ATP8B4: variants seen among roughly 807,000 people sequenced by gnomAD.
ATP8B4 encodes the protein probable phospholipid-transporting ATPase IM.
ATP8B4 carries 133 observed loss-of-function variants against 145.6 expected under a neutral mutation model. The ratio of observed to expected loss-of-function variants is 0.91; its 90% CI spans 0.79 to 1.05. The LOEUF is 1.05. Among genes scored for constraint, ATP8B4 ranks in the 50% least tolerant of loss-of-function variants. The probability of loss-of-function intolerance (pLI) is 0.00; values close to 1 mark genes in which losing one functional copy is unlikely to be tolerated. For missense variants in ATP8B4, 1,458 were observed against 1,425.2 expected (o/e 1.02, Z -0.37); for synonymous variants, 507 against 492.9 (o/e 1.03, Z -0.38).
At position 49,876,419 on chromosome 15, in the gene ATP8B4, T is replaced by A. The variant is rs2034429622; in HGVS notation, c.2886A>T (p.Gly962=). 3 of 1,612,142 alleles carry A rather than the reference T, an allele frequency of 1.9e-6. No individual in the cohort carries two copies. The African/African-American group carries it at 4.0e-5, about 22-fold the overall frequency. ...AGAAAAGGACTAATGAGGTGTAGAT[T>A]CCATGCAACACGCAAATGAAAAATT... ...KRKFFICVLH[G]IYTSLVLFFI... is the part of the protein sequence containing the mutation. Residue 962 remains glycine (G), a synonymous_variant, in exon 25 of 28, where the codon GGA becomes GGT. Coordinates refer to ENST00000284509, the MANE Select transcript of ATP8B4 (RefSeq NM_024837.4).
intron 27 of ATP8B4, among the ~76,000 whole-genome samples, chr15:49,861,422 G>T (rs62020392): frequency 1.3e-5 from 2 of 148,374 alleles, no homozygotes; most frequent in African/African-American, 5.0e-5. Context: ...GTGTGTGTGT[G>T]TGTCTGTCTG....
chr15:49,923,555 T>A, intron 16 of ATP8B4, 61 bp from the exon 17 acceptor site: 1 of 1,198,540 alleles, frequency 8.3e-7, no homozygotes. Flanking sequence ...AAAATTAGAT[T>A]CTCCCAGAGC....
chr15:49,913,748 TGAGA>T (rs967546018), intron 20 of ATP8B4, among the ~76,000 whole-genome samples: 1 of 152,022 alleles, frequency 6.6e-6, no homozygotes, highest in African/African-American at 2.4e-5. Context: ...AGAAAGTACC[TGAGA>T]AAGAAAGCAA....
At chr15:50,128,436 T>C (rs1277675896) in intron 1 of ATP8B4, among the ~76,000 whole-genome samples, 1 of 152,218 alleles carries the variant, frequency 6.6e-6, no homozygotes, top group Non-Finnish European at 1.5e-5. Context: ...TGTTCCTGCC[T>C]CCTTGTGGCT....
rs531170122 is a variant in ATP8B4, at chr15:49,939,167, T to C, written c.1288-4985A>G. Among the ~76,000 whole-genome samples, 3 of 151,366 alleles carry C rather than the reference T, an allele frequency of 2.0e-5. No individual in the cohort carries two copies. In the South Asian group the frequency reaches 6.2e-4, roughly 31 times the overall value. ...AAAAAGTTAGAAAGATCTCAATTAA[T>C]GACTTAACGCATACCTACAAAAAAA... On this transcript the variant is annotated intron_variant, in intron 14 of 27. Coordinates refer to ENST00000284509, the MANE Select transcript of ATP8B4 (RefSeq NM_024837.4).
At chr15:50,175,795 C>T (rs1046582950) in intron 1 of ATP8B4, among the ~76,000 whole-genome samples, 3 of 152,070 alleles carry the variant, frequency 2.0e-5, no homozygotes, top group Admixed American at 2.0e-4. Context: ...TGTGGCGATC[C>T]CTTAAAGAAC....
intron 2 of ATP8B4, 40 bp from the exon 3 acceptor site, chr15:50,074,225 C>T: frequency 6.5e-7 from 1 of 1,535,946 alleles, no homozygotes; most frequent in Non-Finnish European, 9.0e-7. Flanking sequence ...AAATTGTAGG[C>T]CCAGAGAAAC....
intron 1 of ATP8B4, among the ~76,000 whole-genome samples, chr15:50,150,447 A>C (rs2153680751): frequency 6.6e-6 from 1 of 152,346 alleles, no homozygotes; most frequent in East Asian, 1.9e-4. Flanking sequence ...CTCCAAAAGC[A>C]TCACTGATCA....
chr15:49,892,123 A>C (rs2036891702), intron 23 of ATP8B4, among the ~76,000 whole-genome samples: 1 of 152,050 alleles, frequency 6.6e-6, no homozygotes, highest in Non-Finnish European at 1.5e-5. Flanking sequence ...AAAAAAAAAA[A>C]AAAAAAATCT....
intron 1 of ATP8B4, among the ~76,000 whole-genome samples, chr15:50,149,857 T>G (rs2044324677): frequency 6.6e-6 from 1 of 152,132 alleles, no homozygotes. Context: ...TCCCAGAACT[T>G]TCAGAGGCCA....
In ATP8B4 at chr15:50,151,741, A is replaced by C. The variant is rs548878112; in HGVS notation, c.-43+30520T>G. Among the ~76,000 whole-genome samples, 3 of 7,928 alleles carry C rather than the reference A, an allele frequency of 3.8e-4. No individual in the cohort carries two copies. The East Asian group carries it at 0.015, about 40-fold the overall frequency. 5.2% of individuals were successfully genotyped at this position (7,928 alleles called of 152,430 possible). On this transcript the variant is annotated intron_variant, in intron 1 of 3. Transcript: ENST00000558829. ...AAGAGACAGAGTGAGAACCTGTCTC[A>C]AAAAAAAAAAAAAAAAAAAAAAGAG...
At chr15:50,156,312 T>C (rs2044419035) in intron 1 of ATP8B4, among the ~76,000 whole-genome samples, 1 of 151,772 alleles carries the variant, frequency 6.6e-6, no homozygotes, top group South Asian at 2.1e-4. Flanking sequence ...GCCTAACTTT[T>C]ATACACATTT....
At chr15:50,082,596 T>G (rs2054624091) in intron 2 of ATP8B4, among the ~76,000 whole-genome samples, 1 of 152,228 alleles carries the variant, frequency 6.6e-6, no homozygotes, top group East Asian at 1.9e-4. Flanking sequence ...TTTTTACCAA[T>G]TCATTATTCA....
At chr15:49,946,151 C>CA (rs1490890529) in intron 14 of ATP8B4, among the ~76,000 whole-genome samples, 3 of 151,952 alleles carry the variant, frequency 2.0e-5, no homozygotes. Flanking sequence ...AGTTACAAGA[C>CA]AAAAAATTTT....
At chr15:49,992,363 C>G (rs1291233998) in intron 9 of ATP8B4, among the ~76,000 whole-genome samples, 1 of 152,168 alleles carries the variant, frequency 6.6e-6, no homozygotes, top group Non-Finnish European at 1.5e-5. Context: ...AGGCCTGAGC[C>G]TGACTTATTA....
At chr15:50,164,499 G>T (rs1208441112) in intron 1 of ATP8B4, among the ~76,000 whole-genome samples, 1 of 152,192 alleles carries the variant, frequency 6.6e-6, no homozygotes, top group Non-Finnish European at 1.5e-5. Flanking sequence ...GAGCTGGTAA[G>T]ATGAAGTCTT....
At chr15:50,149,374 T>A (rs1026898318) in intron 1 of ATP8B4, among the ~76,000 whole-genome samples, 1 of 152,170 alleles carries the variant, frequency 6.6e-6, no homozygotes, top group Non-Finnish European at 1.5e-5. Flanking sequence ...TGACCTCTCT[T>A]CCTCTTCAAA....
At chr15:50,039,844 GTAC>G (rs2051135573) in intron 5 of ATP8B4, among the ~76,000 whole-genome samples, 1 of 152,054 alleles carries the variant, frequency 6.6e-6, no homozygotes, top group African/African-American at 2.4e-5. Context: ...GCTATGCCCA[GTAC>G]ATACAATTAC....
At chr15:49,888,282 A>ATCCATGAAGTCAT (rs2036431263) in intron 23 of ATP8B4, among the ~76,000 whole-genome samples, 1 of 152,164 alleles carries the variant, frequency 6.6e-6, no homozygotes, top group Non-Finnish European at 1.5e-5. Context: ...AGGTAACCAA[A>ATCCATGAAGTCAT]TCCATGAAGT....
Sources: allele counts gnomAD v4.1 joint callset (sites outside exome capture counted in the v4.1 genomes callset), GRCh38; gene constraint gnomAD v4.1.1; transcripts MANE v1.5; gene names NCBI Gene and HGNC (gene_info 2026-07-23, HGNC 2026-07-21).